Variants in UNC13C observed in about 807,000 individuals in gnomAD.
The protein encoded by UNC13C is protein unc-13 homolog C.
A neutral mutation model predicts 245.4 loss-of-function variants in UNC13C; 174 were observed. That is an observed-to-expected ratio of 0.71 (90% CI 0.63 to 0.80). The LOEUF is 0.80. Among genes scored for constraint, UNC13C ranks in the 30% least tolerant of loss-of-function variants. The pLI is 0.00. For missense variants in UNC13C, 2,829 were observed against 2,602.9 expected, an observed-to-expected ratio of 1.09 and a Z score of -1.89; for synonymous variants, 992 against 895.1, an observed-to-expected ratio of 1.11 and a Z score of -1.93.
intron 4 of UNC13C, among the ~76,000 whole-genome samples, chr15:54,151,909 A>T (rs2032536047): frequency 6.6e-6 from 1 of 152,170 alleles, no homozygotes; most frequent in South Asian, 2.1e-4. Flanking sequence ...GACTGCCGAT[A>T]AAAACACACT....
chr15:53,859,444 T>C, the UNC13C span, among the ~76,000 whole-genome samples: 2 of 152,200 alleles, frequency 1.3e-5, no homozygotes, highest in Non-Finnish European at 2.9e-5. Flanking sequence ...GGTTTGTCGA[T>C]ATTTCTTATT....
At chr15:54,322,546 A>G (rs1034738968) in intron 14 of UNC13C, among the ~76,000 whole-genome samples, 7 of 151,998 alleles carry the variant, frequency 4.6e-5, no homozygotes, top group African/African-American at 1.7e-4. Context: ...TCCTCTAAGT[A>G]AAACATGGCA....
At chr15:54,477,123 G>A (rs201012360) in intron 19 of UNC13C, among the ~76,000 whole-genome samples, 2,831 of 105,456 alleles carry the variant, frequency 0.027, 185 homozygotes, top group Admixed American at 0.11. Flanking sequence ...TGTTGTTGGT[G>A]TATAAGAATG....
At chr15:53,913,158 C>T in the UNC13C span, 1 of 152,222 alleles carries the variant, frequency 6.6e-6, no homozygotes, top group African/African-American at 2.4e-5. Context: ...ACTTCTGATT[C>T]TCTTGCAGGT....
chr15:53,933,159 G>A, the UNC13C span, among the ~76,000 whole-genome samples: 1 of 151,986 alleles, frequency 6.6e-6, no homozygotes, highest in South Asian at 2.1e-4. Context: ...TCTCAGCCTG[G>A]ACAATTAGGA....
chr15:54,553,400 T>TTATATATTGTAATATATAATATTA (rs1896949981), intron 28 of UNC13C, among the ~76,000 whole-genome samples: 1 of 130,056 alleles, frequency 7.7e-6, no homozygotes, highest in Non-Finnish European at 1.6e-5. Context: ...GTATATTATA[T>TTATATATTGTAATATATAATATTA]TATATATTGT....
chr15:54,549,063 C>T (rs577654463), intron 27 of UNC13C, among the ~76,000 whole-genome samples: 4 of 152,166 alleles, frequency 2.6e-5, no homozygotes, highest in Non-Finnish European at 4.4e-5. Context: ...TTTCCAGTCA[C>T]ATACACCAAC....
intron 4 of UNC13C, among the ~76,000 whole-genome samples, chr15:54,159,787 A>G (rs1427955818): frequency 6.6e-6 from 1 of 152,156 alleles, no homozygotes; most frequent in Non-Finnish European, 1.5e-5. Flanking sequence ...TTGTGCCTAT[A>G]TTTTCTAACC....
At chr15:54,561,295 A>G (rs756191889) in intron 29 of UNC13C, among the ~76,000 whole-genome samples, 1 of 151,240 alleles carries the variant, frequency 6.6e-6, no homozygotes, top group Non-Finnish European at 1.5e-5. Flanking sequence ...ATAATGATAC[A>G]TGTTAACTTA....
At chr15:54,626,057 A>G (rs1418010579) in intron 32 of UNC13C, among the ~76,000 whole-genome samples, 1 of 152,162 alleles carries the variant, frequency 6.6e-6, no homozygotes, top group African/African-American at 2.4e-5. Flanking sequence ...GGAATTTGGA[A>G]GCTGGTACTG....
chr15:54,202,398 C>A (rs2034551608), intron 4 of UNC13C, among the ~76,000 whole-genome samples: 1 of 151,878 alleles, frequency 6.6e-6, no homozygotes, highest in Non-Finnish European at 1.5e-5. Context: ...ATGGAGGCAT[C>A]ACATTACCCA....
intron 2 of UNC13C, among the ~76,000 whole-genome samples, chr15:54,070,841 T>A (rs1340818777): frequency 6.6e-6 from 1 of 152,148 alleles, no homozygotes; most frequent in Non-Finnish European, 1.5e-5. Context: ...CCCAACTCAT[T>A]ACTTACAAGC....
At chr15:53,886,889 G>T in the UNC13C span, among the ~76,000 whole-genome samples, 1 of 152,012 alleles carries the variant, frequency 6.6e-6, no homozygotes, top group Non-Finnish European at 1.5e-5. Flanking sequence ...CAGATAAGTC[G>T]CAATAGGGCA....
chr15:53,909,247 A>G, the UNC13C span, among the ~76,000 whole-genome samples: 2 of 146,602 alleles, frequency 1.4e-5, no homozygotes, highest in African/African-American at 4.9e-5. Context: ...TTAAAATTCA[A>G]TATCAGAGCA....
chr15:54,328,680 T>TG, intron 14 of UNC13C, among the ~76,000 whole-genome samples: 1 of 152,162 alleles, frequency 6.6e-6, no homozygotes, highest in Admixed American at 6.5e-5. Context: ...CCCCAAATCC[T>TG]GGGGGGAACT....
chr15:53,859,905 T>G, the UNC13C span, among the ~76,000 whole-genome samples: 1 of 152,208 alleles, frequency 6.6e-6, no homozygotes, highest in Admixed American at 6.5e-5. Context: ...TCCTACGGTT[T>G]TGTCTTTCTC....
intron 2 of UNC13C, among the ~76,000 whole-genome samples, chr15:54,038,124 A>ATATAAAAATTTTTTTTTTT: frequency 2.0e-4 from 9 of 45,034 alleles, no homozygotes; most frequent in African/African-American, 7.4e-4. Context: ...ATATATATAT[A>ATATAAAAATTTTTTTTTTT]TTTTTTTTTT....
intron 19 of UNC13C, among the ~76,000 whole-genome samples, chr15:54,473,694 A>G (rs1245110949): frequency 4.6e-5 from 7 of 151,580 alleles, no homozygotes; most frequent in African/African-American, 1.4e-4. Flanking sequence ...ATAGTATTCC[A>G]TTGTGTATAT....
At chr15:54,065,152 C>G (rs1898018701) in intron 2 of UNC13C, among the ~76,000 whole-genome samples, 1 of 152,164 alleles carries the variant, frequency 6.6e-6, no homozygotes, top group East Asian at 1.9e-4. Context: ...AGCTCACTTT[C>G]TAGCTTGGAT....
Sources: allele counts gnomAD v4.1 joint callset (sites outside exome capture counted in the v4.1 genomes callset), GRCh38; gene constraint gnomAD v4.1.1; transcripts MANE v1.5; gene names NCBI Gene and HGNC (gene_info 2026-07-23, HGNC 2026-07-21).